IGSF11: variants seen among roughly 807,000 people sequenced by gnomAD.
IGSF11 encodes the protein immunoglobulin superfamily member 11.
Under a neutral mutation model 41.0 loss-of-function variants are expected in IGSF11, and 22 were observed. That is an observed-to-expected ratio of 0.54 (90% CI 0.38 to 0.77). The LOEUF (loss-of-function observed/expected upper bound fraction) is 0.77. Among genes scored for constraint, IGSF11 ranks in the 30% least tolerant of loss-of-function variants. IGSF11 has a pLI of 0.00. For missense variants in IGSF11, 444 were observed against 530.8 expected (o/e 0.84, Z 1.61); for synonymous variants, 219 against 201.3 (o/e 1.09, Z -0.74).
At chr3:119,109,479 T>C (rs1393702973), upstream of IGSF11, among the ~76,000 whole-genome samples, 1 of 152,116 alleles carries the variant, frequency 6.6e-6, no homozygotes, top group Non-Finnish European at 1.5e-5. Flanking sequence ...TTCTTCTCTC[T>C]TTTTTTCTTT....
chr3:118,979,554 T>C (rs556518342), intron 1 of IGSF11, among the ~76,000 whole-genome samples: 7 of 152,172 alleles, frequency 4.6e-5, no homozygotes, highest in African/African-American at 1.7e-4. Context: ...GATTTAAAAG[T>C]AAAACCCAAA....
Position 119,034,678 on chromosome 3 carries a change from G to A in IGSF11, c.-96C>T, listed in dbSNP as rs1015299361. On this transcript the variant is annotated 5_prime_UTR_variant, in exon 1 of 7. Transcript: ENST00000393775. The stretch of plus-strand genomic sequence containing the variant: ...GTCTCCGCGCTCTTGGGGCAGCCTG[G>A]TCCTCCCACACCCAGCGCCGGGCCG... 9 of 1,432,772 alleles carry A rather than the reference G, an allele frequency of 6.3e-6. No homozygotes were observed. Among genetic ancestry groups the A allele is most frequent in the Non-Finnish European group, 8.3e-6 (9 of 1,083,984 alleles). 88.8% of individuals were successfully genotyped at this position (1,432,772 alleles called of 1,614,324 possible). A position where few individuals can be genotyped will look rare whatever the true frequency, so the allele number is the denominator to read the frequency against.
intron 1 of IGSF11, among the ~76,000 whole-genome samples, chr3:119,075,456 C>T (rs370876288): frequency 3.2e-4 from 48 of 152,278 alleles, no homozygotes; most frequent in African/African-American, 1.1e-3. Context: ...AAGAGAAGGA[C>T]TCCTACCTAA....
intron 1 of IGSF11, among the ~76,000 whole-genome samples, chr3:119,008,807 A>G (rs549501857): frequency 3.3e-5 from 5 of 152,328 alleles, no homozygotes; most frequent in Non-Finnish European, 7.3e-5. Flanking sequence ...CATTGGACTG[A>G]GTACAGCAGA....
rs1428801882 is a variant in IGSF11 at position 118,922,684 on chromosome 3, A to C, written c.580+3417T>G. Among the ~76,000 whole-genome samples, 4 of 152,104 alleles carry C rather than the reference A, an allele frequency of 2.6e-5. No individual in the cohort carries two copies. In the East Asian group the frequency reaches 5.8e-4, roughly 22 times the overall value. Reference sequence around the variant, plus strand: ...CTTATCTGTTTAGGCTGCTATAACAAAACACCATCAACTGGGTATTTTATA... The same window carrying C: ...CTTATCTGTTTAGGCTGCTATAACACAACACCATCAACTGGGTATTTTATA... On this transcript the variant is annotated intron_variant, in intron 4 of 6. Transcript: ENST00000393775.
intron 1 of IGSF11, among the ~76,000 whole-genome samples, chr3:119,050,988 G>A (rs918244765): frequency 3.5e-5 from 5 of 144,272 alleles, no homozygotes; most frequent in African/African-American, 1.3e-4. Context: ...ACACTCTGGG[G>A]AGTGTTGTGG....
At chr3:118,911,858 TG>T (rs1180641438) in intron 4 of IGSF11, among the ~76,000 whole-genome samples, 1 of 152,108 alleles carries the variant, frequency 6.6e-6, no homozygotes, top group Non-Finnish European at 1.5e-5. Flanking sequence ...TCTTCTCCCT[TG>T]TAACATGAGA....
intron 1 of IGSF11, among the ~76,000 whole-genome samples, chr3:119,081,387 A>G (rs1402187417): frequency 6.6e-6 from 1 of 151,966 alleles, no homozygotes; most frequent in African/African-American, 2.4e-5. Flanking sequence ...GCTCTACTCG[A>G]TCATTGTCAT....
chr3:118,912,649 G>A (rs562321768), intron 4 of IGSF11, among the ~76,000 whole-genome samples: 6 of 152,190 alleles, frequency 3.9e-5, no homozygotes, highest in Admixed American at 6.5e-5. Flanking sequence ...CAGGTGAAGC[G>A]TTCACATGAG....
chr3:118,909,325 T>C (rs1939992279), intron 4 of IGSF11, among the ~76,000 whole-genome samples: 2 of 152,250 alleles, frequency 1.3e-5, no homozygotes, highest in East Asian at 1.9e-4. Context: ...AATGGATGTA[T>C]ACTTGTTATT....
intron 1 of IGSF11, among the ~76,000 whole-genome samples, chr3:118,940,806 A>G (rs1158205986): frequency 1.3e-5 from 2 of 151,868 alleles, no homozygotes; most frequent in Non-Finnish European, 2.9e-5. Context: ...ATTCATACAT[A>G]AATGGGCAAT....
At chr3:119,113,758 G>T (rs977985198) in intron 1 of IGSF11, among the ~76,000 whole-genome samples, 2 of 152,218 alleles carry the variant, frequency 1.3e-5, no homozygotes, top group Non-Finnish European at 2.9e-5. Context: ...TCTGTGTGAG[G>T]TCTCAAACCC....
intron 4 of IGSF11, among the ~76,000 whole-genome samples, chr3:118,910,343 C>A (rs761340674): frequency 3.0e-4 from 46 of 152,202 alleles, no homozygotes; most frequent in Non-Finnish European, 5.7e-4. Flanking sequence ...TGCCCCACAA[C>A]AGGAATCTGA....
intron 1 of IGSF11, among the ~76,000 whole-genome samples, chr3:119,058,414 C>T (rs1196966984): frequency 6.6e-6 from 1 of 152,130 alleles, no homozygotes; most frequent in African/African-American, 2.4e-5. Flanking sequence ...TAAATCAAAA[C>T]CACAATGAGA....
chr3:118,991,072 A>C (rs1313246286), intron 1 of IGSF11, among the ~76,000 whole-genome samples: 1 of 152,216 alleles, frequency 6.6e-6, no homozygotes, highest in East Asian at 1.9e-4. Context: ...GCATCTCCTA[A>C]AAATACAGGT....
chr3:118,930,366 A>T, intron 1 of IGSF11, 91 bp from the exon 2 acceptor site: 2 of 1,208,640 alleles, frequency 1.7e-6, no homozygotes, highest in Non-Finnish European at 1.1e-6. Flanking sequence ...ATGTTATCAC[A>T]TTATTATTGA....
intron 1 of IGSF11, among the ~76,000 whole-genome samples, chr3:119,084,417 C>T (rs1327271174): frequency 1.3e-5 from 2 of 152,106 alleles, no homozygotes; most frequent in African/African-American, 4.8e-5. Context: ...CTGCAGGAGA[C>T]CCCACATCCC....
intron 1 of IGSF11, among the ~76,000 whole-genome samples, chr3:118,970,271 T>C (rs1400300354): frequency 6.6e-6 from 1 of 152,124 alleles, no homozygotes; most frequent in Non-Finnish European, 1.5e-5. Flanking sequence ...CTGAAAAAAA[T>C]AATTCCTATT....
intron 1 of IGSF11, among the ~76,000 whole-genome samples, chr3:119,087,184 A>T (rs1238249656): frequency 6.6e-6 from 1 of 152,202 alleles, no homozygotes; most frequent in Non-Finnish European, 1.5e-5. Flanking sequence ...TTCCTTACAG[A>T]ACTAAAAGTA....
Sources: gnomAD v4.1 joint callset for allele counts (sites outside exome capture counted in the v4.1 genomes callset) on GRCh38, gnomAD v4.1.1 for gene constraint, MANE v1.5 for transcripts, NCBI Gene and HGNC (gene_info 2026-07-23, HGNC 2026-07-21) for gene names.